Variants in PACRG observed in about 807,000 individuals in gnomAD.
The protein encoded by PACRG is parkin coregulated gene protein.
A neutral mutation model predicts 29.7 loss-of-function variants in PACRG; 29 were observed. The observed-to-expected ratio is 0.98, with a 90% confidence interval of 0.73 to 1.33. The LOEUF (loss-of-function observed/expected upper bound fraction) is 1.33. Among genes scored for constraint, PACRG ranks in the 40% most tolerant of loss-of-function variants. The pLI, the probability that PACRG is intolerant of heterozygous loss-of-function variation, is 0.00. For missense variants in PACRG, 279 were observed against 316.2 expected (o/e 0.88, Z 0.89); for synonymous variants, 116 against 118.7 (o/e 0.98, Z 0.15).
chr6:163,014,346 A>G (rs1201755901), intron 2 of PACRG, among the ~76,000 whole-genome samples: 1 of 152,040 alleles, frequency 6.6e-6, no homozygotes, highest in African/African-American at 2.4e-5. Flanking sequence ...TGGTAAAATG[A>G]TTTGTTTTCT....
intron 4 of PACRG, among the ~76,000 whole-genome samples, chr6:163,236,414 G>C (rs1468771163): frequency 6.6e-6 from 1 of 152,184 alleles, no homozygotes; most frequent in Non-Finnish European, 1.5e-5. Context: ...CAGAAACTGA[G>C]TTGAATCTCT....
chr6:162,881,885 C>T (rs1188940376), intron 2 of PACRG, among the ~76,000 whole-genome samples: 1 of 139,692 alleles, frequency 7.2e-6, no homozygotes, highest in Admixed American at 8.0e-5. Context: ...CGCTCTCCAC[C>T]AAGAACAGAG....
chr6:162,810,724 G>A (rs1318903990), intron 1 of PACRG, among the ~76,000 whole-genome samples: 1 of 152,132 alleles, frequency 6.6e-6, no homozygotes, highest in Non-Finnish European at 1.5e-5. Context: ...TGAAGATAGA[G>A]CAGTAGAAGT....
intron 1 of PACRG, among the ~76,000 whole-genome samples, chr6:162,747,367 C>CATAT (rs71008107): frequency 2.1e-5 from 1 of 47,862 alleles, no homozygotes; most frequent in Non-Finnish European, 3.6e-5. Flanking sequence ...TATATATACA[C>CATAT]ATACATATAT....
chr6:163,123,166 T>C (rs1370159554), intron 4 of PACRG, among the ~76,000 whole-genome samples: 21 of 152,202 alleles, frequency 1.4e-4, no homozygotes, highest in Admixed American at 1.4e-3. Context: ...CTGATTTGCT[T>C]AGGGCCCAGG....
chr6:162,907,282 T>C lies in PACRG; in HGVS notation c.291+93001T>C, dbSNP rs149891644. Among the ~76,000 whole-genome samples the C allele has an allele frequency of 1.7e-4, 26 of 152,352 alleles. No individual in the cohort carries two copies. The East Asian group carries it at 2.9e-3, about 17-fold the overall frequency. On this transcript the variant is annotated intron_variant, in intron 2 of 4. Transcript: ENST00000366888. ...TCTATAGTTTAAAAATGGCTTAGATTCAGTAGTTTATTTGTAAATATTATC... is the reference window on the plus strand; with the variant it reads ...TCTATAGTTTAAAAATGGCTTAGATCCAGTAGTTTATTTGTAAATATTATC...
intron 2 of PACRG, among the ~76,000 whole-genome samples, chr6:162,960,499 C>G (rs1800519105): frequency 6.6e-6 from 1 of 152,162 alleles, no homozygotes; most frequent in Non-Finnish European, 1.5e-5. Flanking sequence ...CAAATTAACG[C>G]AGGAACAGAA....
chr6:163,256,890 C>T (rs931954356), intron 4 of PACRG, among the ~76,000 whole-genome samples: 2 of 152,122 alleles, frequency 1.3e-5, no homozygotes, highest in East Asian at 1.9e-4. Flanking sequence ...TTGGCCATGT[C>T]GTTTCCTTCG....
intron 2 of PACRG, among the ~76,000 whole-genome samples, chr6:162,993,108 G>A (rs1239308327): frequency 8.2e-5 from 12 of 145,584 alleles, no homozygotes; most frequent in Admixed American, 1.4e-4. Context: ...CTGAGAGATA[G>A]TTTGTTATAA....
chr6:162,735,622 C>T (rs1419827822), intron 1 of PACRG, among the ~76,000 whole-genome samples: 1 of 151,572 alleles, frequency 6.6e-6, no homozygotes, highest in Non-Finnish European at 1.5e-5. Flanking sequence ...TACTTTTTTC[C>T]ATCTATATTC....
intron 2 of PACRG, among the ~76,000 whole-genome samples, chr6:162,958,275 C>A (rs1015701793): frequency 2.0e-5 from 3 of 152,044 alleles, no homozygotes; most frequent in Non-Finnish European, 2.9e-5. Flanking sequence ...TAATGAATTT[C>A]AAATATTCAT....
chr6:163,105,713 A>G (rs1421886092), intron 4 of PACRG, among the ~76,000 whole-genome samples: 2 of 152,156 alleles, frequency 1.3e-5, no homozygotes, highest in African/African-American at 2.4e-5. Flanking sequence ...GAATTCTATT[A>G]TCAAAGCTAT....
chr6:162,955,158 GA>G (rs1454395115), intron 2 of PACRG, among the ~76,000 whole-genome samples: 1 of 152,170 alleles, frequency 6.6e-6, no homozygotes, highest in East Asian at 1.9e-4. Context: ...AAGAGAGAAA[GA>G]AAAGGAAGAA....
intron 2 of PACRG, among the ~76,000 whole-genome samples, chr6:162,892,985 C>T (rs574577115): frequency 1.3e-3 from 184 of 146,500 alleles, no homozygotes; most frequent in African/African-American, 4.4e-3. Flanking sequence ...GCCCACACCC[C>T]GGAGAAGAAC....
chr6:163,107,063 A>G (rs933419775), intron 4 of PACRG, among the ~76,000 whole-genome samples: 1 of 152,174 alleles, frequency 6.6e-6, no homozygotes, highest in Non-Finnish European at 1.5e-5. Flanking sequence ...TTGAATGTTT[A>G]TCTTGAGAGA....
intron 2 of PACRG, among the ~76,000 whole-genome samples, chr6:163,025,804 G>C (rs1421866111): frequency 1.3e-5 from 2 of 152,224 alleles, no homozygotes; most frequent in African/African-American, 2.4e-5. Context: ...TGGAAGCCAG[G>C]GGGCAGGCCC....
At chr6:163,227,825 C>T (rs1468320528) in intron 4 of PACRG, among the ~76,000 whole-genome samples, 2 of 152,172 alleles carry the variant, frequency 1.3e-5, no homozygotes, top group Non-Finnish European at 2.9e-5. Context: ...ATTAGCACAG[C>T]CTCTCATCAA....
intron 1 of PACRG, among the ~76,000 whole-genome samples, chr6:162,811,886 A>G (rs1786902422): frequency 6.6e-6 from 1 of 152,156 alleles, no homozygotes; most frequent in African/African-American, 2.4e-5. Flanking sequence ...GTGAACAACC[A>G]TGTCAGCGCT....
chr6:163,035,419 C>T (rs1434632615), intron 2 of PACRG, among the ~76,000 whole-genome samples: 2 of 152,012 alleles, frequency 1.3e-5, no homozygotes, highest in Non-Finnish European at 2.9e-5. Flanking sequence ...GAGGCCAAGG[C>T]AGGCAGATCA....
Sources: gnomAD v4.1 joint callset for allele counts (sites outside exome capture counted in the v4.1 genomes callset) on GRCh38, gnomAD v4.1.1 for gene constraint, MANE v1.5 for transcripts, NCBI Gene and HGNC (gene_info 2026-07-23, HGNC 2026-07-21) for gene names.